The following SGCZ variants were observed in gnomAD, a reference collection of about 807,000 sequenced individuals.
The protein encoded by SGCZ is sarcoglycan zeta.
Under a neutral mutation model 41.3 loss-of-function variants are expected in SGCZ, and 40 were observed. The observed-to-expected ratio is 0.97, with a 90% CI of 0.75 to 1.26. The LOEUF (loss-of-function observed/expected upper bound fraction) is 1.26. Among genes scored for constraint, SGCZ ranks in the 50% most tolerant of loss-of-function variants. The pLI, the probability that SGCZ is intolerant of heterozygous loss-of-function variation, is 0.00. For missense variants in SGCZ, 552 were observed against 369.8 expected (o/e 1.49, Z -4.04); for synonymous variants, 206 against 137.5 (o/e 1.50, Z -3.49).
chr8:14,155,299 G>A (rs1171896014), intron 5 of SGCZ, among the ~76,000 whole-genome samples: 1 of 151,872 alleles, frequency 6.6e-6, no homozygotes, highest in African/African-American at 2.4e-5. Flanking sequence ...TAATATAGAA[G>A]TTTTTTTTCT....
Position 14,115,106 on chromosome 8 carries a change from A to G in SGCZ, c.548-6871T>C, listed in dbSNP as rs569944519. ...TTTCTTCGTTACTCTTACATCCAAT[A>G]ACTCTTGAGATATATATTCTCAGGA... On this transcript the variant is annotated intron_variant, in intron 5 of 7. Coordinates refer to ENST00000382080, the MANE Select transcript of SGCZ (RefSeq NM_139167.4). Among the ~76,000 whole-genome samples the G allele has an allele frequency of 8.5e-5, 13 of 152,138 alleles. No homozygotes were observed. The South Asian group carries it at 1.2e-3, about 15-fold the overall frequency.
chr8:14,286,629 T>C (rs1396902806), intron 3 of SGCZ, among the ~76,000 whole-genome samples: 1 of 152,116 alleles, frequency 6.6e-6, no homozygotes, highest in African/African-American at 2.4e-5. Flanking sequence ...AATTAACTGA[T>C]CATTTTATTT....
chr8:14,105,809 T>C (rs574313090), intron 6 of SGCZ, among the ~76,000 whole-genome samples: 3 of 152,232 alleles, frequency 2.0e-5, no homozygotes, highest in African/African-American at 7.2e-5. Flanking sequence ...AGCAAGATAA[T>C]TAAAATACCA....
At chr8:14,379,294 C>A (rs1349921390) in intron 2 of SGCZ, among the ~76,000 whole-genome samples, 2 of 152,268 alleles carry the variant, frequency 1.3e-5, no homozygotes, top group African/African-American at 4.8e-5. Context: ...GGAGATAAAA[C>A]TAACTTACGT....
chr8:14,652,059 G>C (rs7828429), intron 1 of SGCZ, among the ~76,000 whole-genome samples: 137,477 of 151,974 alleles, frequency 0.9, 62,582 homozygotes, highest in Non-Finnish European at 0.95. Context: ...CTTTATCACG[G>C]AAAGAATAAC....
rs1360033907 is a variant in SGCZ at position 15,097,881 on chromosome 8, T to C, written c.39+139704A>G. ...ACGTGTGTGTGTATATATATATATA[T>C]ACGTGTGTATATATATATATATATA... On this transcript the variant is annotated intron_variant, in intron 1 of 7. Coordinates refer to ENST00000382080, the MANE Select transcript of SGCZ (RefSeq NM_139167.4). 9.8e-3 allele frequency among the ~76,000 whole-genome samples: 311 copies of C among 31,610 alleles called. 10 individuals carry two copies. The highest frequency in any genetic ancestry group is 0.027 in the African/African-American group (286 of 10,402). The allele number at this position is 31,610 out of a possible 152,430, so 20.7% of individuals were successfully genotyped here.
At chr8:14,986,800 A>G (rs1054490811) in intron 1 of SGCZ, among the ~76,000 whole-genome samples, 10 of 152,110 alleles carry the variant, frequency 6.6e-5, no homozygotes, top group African/African-American at 2.4e-4. Context: ...CTGTCAATTT[A>G]ATAATAAAAG....
chr8:14,390,158 G>T (rs141262119), intron 2 of SGCZ, among the ~76,000 whole-genome samples: 25 of 151,928 alleles, frequency 1.6e-4, no homozygotes, highest in Non-Finnish European at 1.6e-4. Context: ...AGAATTTGTA[G>T]CCATAAAAGC....
chr8:14,409,030 G>C (rs1461843), intron 2 of SGCZ, among the ~76,000 whole-genome samples: 47,159 of 151,140 alleles, frequency 0.31, 7,463 homozygotes, highest in Admixed American at 0.36. Context: ...TAGGTTTTCA[G>C]TTCCAGGATC....
intron 1 of SGCZ, among the ~76,000 whole-genome samples, chr8:15,120,407 G>T (rs529135477): frequency 1.3e-4 from 19 of 151,740 alleles, no homozygotes; most frequent in Non-Finnish European, 2.6e-4. Flanking sequence ...CTCAGCTTGG[G>T]GCTACATTTT....
intron 3 of SGCZ, among the ~76,000 whole-genome samples, chr8:14,276,048 G>A (rs558147735): frequency 3.9e-5 from 6 of 152,290 alleles, no homozygotes; most frequent in South Asian, 2.1e-4. Context: ...ATGCTTCTCC[G>A]CCTGTGCTAG....
chr8:15,156,833 T>C (rs1799343737), intron 1 of SGCZ, among the ~76,000 whole-genome samples: 1 of 151,070 alleles, frequency 6.6e-6, no homozygotes, highest in Admixed American at 6.6e-5. Flanking sequence ...TAATCCCAGC[T>C]ACTCAGGAGG....
chr8:14,933,039 G>C (rs1799963143), intron 1 of SGCZ, among the ~76,000 whole-genome samples: 1 of 151,914 alleles, frequency 6.6e-6, no homozygotes, highest in Non-Finnish European at 1.5e-5. Context: ...AGAGACAATG[G>C]GGACTATGAC....
At position 14,938,128 on chromosome 8, in the gene SGCZ, C is replaced by CATTGATTTAT. The variant is rs1321251617; in HGVS notation, c.39+299456_39+299457insATAAATCAAT. Among the ~76,000 whole-genome samples the CATTGATTTAT allele has an allele frequency of 1.4e-4, 21 of 152,078 alleles. 1 individual carries two copies. In the South Asian group the frequency reaches 4.0e-3, roughly 29 times the overall value. ...TTGTAAAATGTTTTTTGGTGTTGTT[C>CATTGATTTAT]ACTGTTTTATATTGATTTATACAAG... On this transcript the variant is annotated intron_variant, in intron 1 of 7. Coordinates refer to ENST00000382080, the MANE Select transcript of SGCZ (RefSeq NM_139167.4).
intron 1 of SGCZ, among the ~76,000 whole-genome samples, chr8:14,634,164 G>C (rs972972317): frequency 3.3e-5 from 5 of 151,782 alleles, no homozygotes; most frequent in Non-Finnish European, 7.4e-5. Flanking sequence ...CTTTGAATAA[G>C]ATTTTATTCT....
intron 2 of SGCZ, among the ~76,000 whole-genome samples, chr8:14,553,558 G>T (rs1239445792): frequency 6.6e-6 from 1 of 152,046 alleles, no homozygotes; most frequent in Non-Finnish European, 1.5e-5. Context: ...AGCACATGCT[G>T]TTTTATCTTG....
chr8:14,683,287 C>G (rs1174866064), intron 1 of SGCZ, among the ~76,000 whole-genome samples: 1 of 151,942 alleles, frequency 6.6e-6, no homozygotes, highest in Non-Finnish European at 1.5e-5. Flanking sequence ...GGAGTTAACA[C>G]CAAGAAAGTA....
chr8:14,363,915 T>C (rs1344168471), intron 2 of SGCZ, among the ~76,000 whole-genome samples: 1 of 152,214 alleles, frequency 6.6e-6, no homozygotes, highest in African/African-American at 2.4e-5. Context: ...TACATATCAC[T>C]GTTTCCTCCT....
chr8:14,999,991 T>G (rs1261716333), intron 1 of SGCZ, among the ~76,000 whole-genome samples: 2 of 152,120 alleles, frequency 1.3e-5, no homozygotes, highest in African/African-American at 2.4e-5. Context: ...AGGACTAGAA[T>G]GTGACTGTAT....
Sources: gnomAD v4.1 joint callset for allele counts (sites outside exome capture counted in the v4.1 genomes callset) on GRCh38, gnomAD v4.1.1 for gene constraint, MANE v1.5 for transcripts, NCBI Gene and HGNC (gene_info 2026-07-23, HGNC 2026-07-21) for gene names.